The following TSHZ2 variants were observed in gnomAD, a reference collection of about 807,000 sequenced individuals.
The protein encoded by TSHZ2 is teashirt homolog 2.
In TSHZ2, 21 loss-of-function variants were observed where a neutral mutation model predicts 74.4. The ratio of observed to expected loss-of-function variants is 0.28; its 90% CI spans 0.20 to 0.41. TSHZ2 has a LOEUF of 0.41. TSHZ2 is among the 10% of genes least tolerant of loss of function. The pLI, the probability that TSHZ2 is intolerant of heterozygous loss-of-function variation, is 1.00. For missense variants in TSHZ2, 1,244 were observed against 1,293.5 expected (o/e 0.96, Z 0.59); for synonymous variants, 540 against 515.3 (o/e 1.05, Z -0.65).
intron 2 of TSHZ2, among the ~76,000 whole-genome samples, chr20:53,298,484 T>C (rs974227247): frequency 4.6e-5 from 7 of 152,188 alleles, no homozygotes; most frequent in African/African-American, 1.7e-4. Flanking sequence ...AAGAACTGGC[T>C]TCAGAGATCT....
intron 1 of TSHZ2, among the ~76,000 whole-genome samples, chr20:53,159,207 T>C (rs1057219063): frequency 2.0e-5 from 3 of 152,240 alleles, no homozygotes; most frequent in Non-Finnish European, 4.4e-5. Flanking sequence ...AGGCAGGGAA[T>C]GTACCACCCT....
intron 2 of TSHZ2, among the ~76,000 whole-genome samples, chr20:53,418,480 A>G (rs1232265258): frequency 6.6e-6 from 1 of 152,224 alleles, no homozygotes; most frequent in Non-Finnish European, 1.5e-5. Flanking sequence ...ACACCTCACA[A>G]TCATGGCAGA....
chr20:53,114,952 G>A (rs1187888098), intron 1 of TSHZ2, among the ~76,000 whole-genome samples: 1 of 152,180 alleles, frequency 6.6e-6, no homozygotes, highest in Non-Finnish European at 1.5e-5. Flanking sequence ...CTTGGGTTGG[G>A]TATCACGCAT....
chr20:53,031,199 T>C (rs1439971068), intron 1 of TSHZ2, among the ~76,000 whole-genome samples: 1 of 152,224 alleles, frequency 6.6e-6, no homozygotes, highest in Non-Finnish European at 1.5e-5. Context: ...GACTTGCACA[T>C]AAAGGGCTTG....
In TSHZ2 at chr20:52,973,237, C is replaced by T; in HGVS notation, c.-57C>T. On this transcript the variant is annotated 5_prime_UTR_variant, in exon 1 of 3. Transcript: ENST00000371497. ...CCAGAGAGGCCAGAGAGACAGCGGGCCCCAGCGCGCGGCTCGGGGCTGGGG... is the reference window on the plus strand; with the variant it reads ...CCAGAGAGGCCAGAGAGACAGCGGGTCCCAGCGCGCGGCTCGGGGCTGGGG... The T allele has an allele frequency of 1.9e-6, 3 of 1,548,746 alleles. No individual in the cohort carries two copies. Among genetic ancestry groups the T allele is most frequent in the Non-Finnish European group, 2.6e-6 (3 of 1,145,294 alleles).
At chr20:53,063,884 G>A (rs1208407797) in intron 1 of TSHZ2, among the ~76,000 whole-genome samples, 1 of 152,178 alleles carries the variant, frequency 6.6e-6, no homozygotes, top group African/African-American at 2.4e-5. Flanking sequence ...CACATATATT[G>A]AATAGTAGTC....
At chr20:53,340,173 C>CTTT (rs1285149762) in intron 2 of TSHZ2, among the ~76,000 whole-genome samples, 8 of 62,112 alleles carry the variant, frequency 1.3e-4, no homozygotes, top group African/African-American at 4.8e-4. Context: ...GGTGACTTTT[C>CTTT]TTTCTTTTTT....
chr20:53,176,489 C>T (rs944776242), intron 1 of TSHZ2, among the ~76,000 whole-genome samples: 1 of 152,016 alleles, frequency 6.6e-6, no homozygotes, highest in Non-Finnish European at 1.5e-5. Flanking sequence ...AATGAAAAAC[C>T]AAGGGGACGT....
intron 1 of TSHZ2, among the ~76,000 whole-genome samples, chr20:53,078,913 G>A (rs1008319831): frequency 2.0e-5 from 3 of 152,146 alleles, no homozygotes; most frequent in Admixed American, 1.3e-4. Context: ...TACTTATCTG[G>A]ATTTCAACAT....
chr20:53,477,694 C>G (rs1001421475), intron 2 of TSHZ2, among the ~76,000 whole-genome samples: 4 of 145,976 alleles, frequency 2.7e-5, no homozygotes, highest in African/African-American at 1.0e-4. Context: ...TTCTGCACAG[C>G]AAAAGAAACT....
chr20:53,473,002 T>G, intron 2 of TSHZ2, among the ~76,000 whole-genome samples: 2 of 148,742 alleles, frequency 1.3e-5, no homozygotes, highest in African/African-American at 2.5e-5. Context: ...GCTGGGAGGG[T>G]CCTACGCCCA....
intron 1 of TSHZ2, among the ~76,000 whole-genome samples, chr20:53,183,239 G>A (rs1988523582): frequency 6.6e-6 from 1 of 152,208 alleles, no homozygotes; most frequent in Non-Finnish European, 1.5e-5. Flanking sequence ...CTCTCAAGAT[G>A]TGTTTCCCTC....
At chr20:53,336,908 C>T (rs1445633803) in intron 2 of TSHZ2, among the ~76,000 whole-genome samples, 1 of 151,970 alleles carries the variant, frequency 6.6e-6, no homozygotes, top group Non-Finnish European at 1.5e-5. Context: ...AGTGCATATG[C>T]ATATTTATAT....
At chr20:53,466,504 G>C (rs1985569046) in intron 2 of TSHZ2, among the ~76,000 whole-genome samples, 1 of 152,128 alleles carries the variant, frequency 6.6e-6, no homozygotes, top group Non-Finnish European at 1.5e-5. Flanking sequence ...TTGGCGGTTT[G>C]GACTTTAAGC....
intron 2 of TSHZ2, among the ~76,000 whole-genome samples, chr20:53,295,355 T>C (rs373537224): frequency 6.6e-6 from 1 of 152,194 alleles, no homozygotes; most frequent in Non-Finnish European, 1.5e-5. Context: ...TATAAAAACA[T>C]GGATAATAAT....
chr20:53,224,774 T>C (rs1157415068), intron 1 of TSHZ2, among the ~76,000 whole-genome samples: 2 of 148,928 alleles, frequency 1.3e-5, no homozygotes, highest in Admixed American at 1.4e-4. Context: ...TGCTTGAACT[T>C]GGGAGGTGGA....
At chr20:53,161,416 T>C (rs1987936590) in intron 1 of TSHZ2, among the ~76,000 whole-genome samples, 1 of 152,176 alleles carries the variant, frequency 6.6e-6, no homozygotes, top group Admixed American at 6.5e-5. Context: ...TTCTCTGTGA[T>C]AGAAAGCCTT....
intron 2 of TSHZ2, among the ~76,000 whole-genome samples, chr20:53,304,302 G>A (rs1195904770): frequency 6.6e-6 from 1 of 150,412 alleles, no homozygotes; most frequent in Non-Finnish European, 1.5e-5. Flanking sequence ...GTAGAGGTGA[G>A]TACAGCAAAC....
chr20:53,140,710 C>T (rs1335389099), intron 1 of TSHZ2, among the ~76,000 whole-genome samples: 2 of 152,158 alleles, frequency 1.3e-5, no homozygotes, highest in Non-Finnish European at 2.9e-5. Context: ...AAACAAGCTT[C>T]CCGCTGACCT....
Sources: gnomAD v4.1 joint callset for allele counts (sites outside exome capture counted in the v4.1 genomes callset) on GRCh38, gnomAD v4.1.1 for gene constraint, MANE v1.5 for transcripts, NCBI Gene and HGNC (gene_info 2026-07-23, HGNC 2026-07-21) for gene names.